WWC1: variants seen among roughly 807,000 people sequenced by gnomAD.
WWC1 encodes WW and C2 domain containing 1, also known as protein KIBRA.
In WWC1, 55 loss-of-function variants were observed where a neutral mutation model predicts 138.4. The ratio of observed to expected loss-of-function variants is 0.40; its 90% CI spans 0.32 to 0.50. The LOEUF (loss-of-function observed/expected upper bound fraction) is 0.50, where lower values mean the gene tolerates loss of function less well. Ranked by LOEUF, WWC1 falls within the 20% of genes least tolerant of loss-of-function variation. The probability of loss-of-function intolerance (pLI) is 0.72; values close to 1 mark genes in which losing one functional copy is unlikely to be tolerated. For missense variants in WWC1, 1,226 were observed against 1,420.4 expected, an observed-to-expected ratio of 0.86 and a Z score of 2.20; for synonymous variants, 524 against 564.9, an observed-to-expected ratio of 0.93 and a Z score of 1.03.
At chr5:168,449,836 A>C (rs1350383874) in intron 17 of WWC1, among the ~76,000 whole-genome samples, 1 of 152,048 alleles carries the variant, frequency 6.6e-6, no homozygotes, top group Non-Finnish European at 1.5e-5. Context: ...CAGCCTCCCA[A>C]AGTGCTGGGA....
At chr5:168,339,896 TCTCTCTCTCTTTC>T in intron 1 of WWC1, among the ~76,000 whole-genome samples, 1 of 94,464 alleles carries the variant, frequency 1.1e-5, no homozygotes. Flanking sequence ...TCTCTCTCTG[TCTCTCTCTCTTTC>T]TCTCTCTCTC....
chr5:168,324,419 C>T (rs1009189810), intron 1 of WWC1, among the ~76,000 whole-genome samples: 1 of 151,672 alleles, frequency 6.6e-6, no homozygotes, highest in African/African-American at 2.4e-5. Flanking sequence ...GGTAACAGAG[C>T]GTGACTCTGT....
intron 1 of WWC1, among the ~76,000 whole-genome samples, chr5:168,328,257 TA>T (rs1006665702): frequency 3.3e-4 from 51 of 152,324 alleles, no homozygotes; most frequent in African/African-American, 1.2e-3. Flanking sequence ...ACCAGCGAGC[TA>T]ATCAGGTAAA....
chr5:168,309,178 T>G (rs1257069059), intron 1 of WWC1, among the ~76,000 whole-genome samples: 1 of 148,190 alleles, frequency 6.7e-6, no homozygotes, highest in Non-Finnish European at 1.5e-5. Context: ...TGGGGCATTT[T>G]GCACTCTTCT....
intron 8 of WWC1, chr5:168,410,211 A>G (rs927768993): frequency 1.1e-4 from 60 of 535,706 alleles, no homozygotes; most frequent in Non-Finnish European, 1.8e-4. Context: ...GAGTGAAACT[A>G]TGCTTTGAAC....
chr5:168,300,400 G>A (rs1263272498), intron 1 of WWC1, among the ~76,000 whole-genome samples: 1 of 151,982 alleles, frequency 6.6e-6, no homozygotes, highest in East Asian at 1.9e-4. Context: ...AGGAGGGAAA[G>A]AAAAAGGACA....
chr5:168,306,888 C>G (rs990953630), intron 1 of WWC1, among the ~76,000 whole-genome samples: 1 of 152,240 alleles, frequency 6.6e-6, no homozygotes, highest in Non-Finnish European at 1.5e-5. Flanking sequence ...TAAGCCACCA[C>G]GCCCAGCCAG....
At chr5:168,446,485 C>T (rs1344270470) in intron 17 of WWC1, among the ~76,000 whole-genome samples, 3 of 152,076 alleles carry the variant, frequency 2.0e-5, no homozygotes, top group Non-Finnish European at 4.4e-5. Flanking sequence ...TTTTGTGTAA[C>T]CTTAGGCAAA....
chr5:168,414,252 T>G, intron 8 of WWC1, 96 bp from the exon 9 acceptor site: 4 of 1,500,772 alleles, frequency 2.7e-6, no homozygotes, highest in Non-Finnish European at 3.6e-6. Context: ...ACAGTAACTG[T>G]CAAAGATTGC....
intron 1 of WWC1, among the ~76,000 whole-genome samples, chr5:168,369,787 G>A (rs1421459288): frequency 6.6e-6 from 1 of 151,538 alleles, no homozygotes; most frequent in African/African-American, 2.4e-5. Flanking sequence ...CTTTCTTCAT[G>A]TATTTTTCTG....
chr5:168,430,218 G>A lies in WWC1; in HGVS notation c.2082G>A (p.Gln694=), dbSNP rs1781834481. The A allele has an allele frequency of 6.2e-7, 1 of 1,613,316 alleles. No homozygotes were observed. Among genetic ancestry groups the A allele is most frequent in the East Asian group, 2.2e-5 (1 of 44,874 alleles). The part of the protein sequence containing the change: ...NLSALLQQQD[Q]KVNIRVAVLP... ...CTGCTCTGTTGCAGCAACAAGACCA[G>A]AAAGTGTGAGTATGTAGCTGGACAG... Residue 694 remains glutamine (Q), a synonymous_variant, in exon 14 of 23, where the codon CAG becomes CAA. Coordinates refer to ENST00000265293, the MANE Select transcript of WWC1 (RefSeq NM_015238.3).
intron 19 of WWC1, among the ~76,000 whole-genome samples, 155 bp downstream of exon 19, chr5:168,455,675 T>C (rs543018963): frequency 6.6e-6 from 1 of 152,366 alleles, no homozygotes; most frequent in Admixed American, 6.5e-5. Context: ...TTCACGGGCC[T>C]ACTTCATAGG....
intron 2 of WWC1, 147 bp from the exon 3 acceptor site, chr5:168,385,064 C>T (rs767851977): frequency 8.9e-5 from 68 of 762,804 alleles, no homozygotes; most frequent in Non-Finnish European, 1.2e-4. Flanking sequence ...GAATCACTGT[C>T]ATTTAGTAAA....
At chr5:168,339,806 T>TTGTCTTTCTTTCTTTCTTTCTTTCTTTC (rs71310059) in intron 1 of WWC1, among the ~76,000 whole-genome samples, 4 of 142,618 alleles carry the variant, frequency 2.8e-5, no homozygotes, top group African/African-American at 1.1e-4. Context: ...TTCTTTTTGT[T>TTGTCTTTCTTTCTTTCTTTCTTTCTTTC]TTTCTTTCTT....
At chr5:168,386,894 C>T (rs557317188) in intron 3 of WWC1, among the ~76,000 whole-genome samples, 21 of 152,142 alleles carry the variant, frequency 1.4e-4, no homozygotes, top group Non-Finnish European at 1.9e-4. Flanking sequence ...AGGTGATCCA[C>T]GTGCCTCAGC....
intron 4 of WWC1, 99 bp from the exon 5 acceptor site, chr5:168,399,389 C>T (rs565728458): frequency 6.3e-5 from 78 of 1,231,530 alleles, no homozygotes; most frequent in Admixed American, 1.7e-4. Context: ...ATTATGCAGG[C>T]GCAGTGGGAG....
chr5:168,379,369 A>G (rs1037335958), intron 2 of WWC1, among the ~76,000 whole-genome samples: 5 of 152,124 alleles, frequency 3.3e-5, no homozygotes, highest in African/African-American at 1.2e-4. Flanking sequence ...TCAGGGTGTG[A>G]CAGTTCAGAA....
At chr5:168,453,936 G>A in intron 17 of WWC1, 32 bp from the exon 18 acceptor site, 2 of 1,610,990 alleles carry the variant, frequency 1.2e-6, no homozygotes, top group Admixed American at 1.7e-5. Context: ...AGCGGCTTCT[G>A]GGTGGGTAAC....
intron 5 of WWC1, among the ~76,000 whole-genome samples, chr5:168,404,585 G>T (rs1038918030): frequency 6.6e-6 from 1 of 152,210 alleles, no homozygotes; most frequent in Admixed American, 6.5e-5. Context: ...TTCTGCTCAG[G>T]ATTCCCCATG....
Sources: gnomAD v4.1 joint callset for allele counts (sites outside exome capture counted in the v4.1 genomes callset) on GRCh38, gnomAD v4.1.1 for gene constraint, MANE v1.5 for transcripts, NCBI Gene and HGNC (gene_info 2026-07-23, HGNC 2026-07-21) for gene names.